Variants in ATP8B4 observed in about 807,000 individuals in gnomAD.
ATP8B4 encodes ATPase phospholipid transporting 8B4 (putative), also known as probable phospholipid-transporting ATPase IM.
In ATP8B4, 133 loss-of-function variants were observed where a neutral mutation model predicts 145.6. The ratio of observed to expected loss-of-function variants is 0.91; its 90% CI spans 0.79 to 1.05. The LOEUF is 1.05. ATP8B4 is among the 50% of genes least tolerant of loss of function. The pLI, the probability that ATP8B4 is intolerant of heterozygous loss-of-function variation, is 0.00. For missense variants in ATP8B4, 1,458 were observed against 1,425.2 expected (o/e 1.02, Z -0.37); for synonymous variants, 507 against 492.9 (o/e 1.03, Z -0.38).
chr15:50,164,277 G>A (rs1309617012), intron 1 of ATP8B4, among the ~76,000 whole-genome samples: 1 of 152,222 alleles, frequency 6.6e-6, no homozygotes, highest in Non-Finnish European at 1.5e-5. Context: ...TCTCACCCAA[G>A]GCCCACAGCA....
intron 25 of ATP8B4, among the ~76,000 whole-genome samples, chr15:49,866,787 C>T (rs1224892346): frequency 6.6e-6 from 1 of 152,190 alleles, no homozygotes; most frequent in Non-Finnish European, 1.5e-5. Context: ...AATATGAAAG[C>T]ACAAGGGCTT....
At chr15:50,005,681 A>G (rs2048246388) in intron 7 of ATP8B4, among the ~76,000 whole-genome samples, 1 of 152,212 alleles carries the variant, frequency 6.6e-6, no homozygotes, top group African/African-American at 2.4e-5. Context: ...TAAATTGCAG[A>G]GCTGGAATTA....
intron 1 of ATP8B4, among the ~76,000 whole-genome samples, chr15:50,170,073 A>C (rs999662588): frequency 6.6e-6 from 1 of 152,178 alleles, no homozygotes; most frequent in East Asian, 1.9e-4. Context: ...TACCTGAGGA[A>C]GAAGAGAATT....
chr15:49,974,617 T>C (rs1304151527), intron 12 of ATP8B4, among the ~76,000 whole-genome samples: 3 of 152,186 alleles, frequency 2.0e-5, no homozygotes, highest in African/African-American at 7.2e-5. Context: ...TCTGTTTTTG[T>C]AGTTTTGTTT....
intron 6 of ATP8B4, among the ~76,000 whole-genome samples, chr15:50,029,238 T>TAAAAAAAAAAAAAAAA (rs58363112): frequency 3.3e-4 from 25 of 76,600 alleles, no homozygotes; most frequent in East Asian, 9.0e-4. Context: ...GACTCCATCT[T>TAAAAAAAAAAAAAAAA]AAAAAAAAAA....
At chr15:50,072,686 T>G (rs1281273430) in intron 3 of ATP8B4, among the ~76,000 whole-genome samples, 2 of 151,654 alleles carry the variant, frequency 1.3e-5, no homozygotes, top group East Asian at 3.9e-4. Context: ...AGTGCAATGG[T>G]GCGATCTTGG....
chr15:50,132,849 C>A (rs1012122636), intron 1 of ATP8B4, among the ~76,000 whole-genome samples: 1 of 152,100 alleles, frequency 6.6e-6, no homozygotes, highest in Admixed American at 6.5e-5. Flanking sequence ...TCTCAGCAAA[C>A]TAACACAGGA....
chr15:49,938,999 G>A (rs1034277075), intron 14 of ATP8B4, among the ~76,000 whole-genome samples: 1 of 152,110 alleles, frequency 6.6e-6, no homozygotes, highest in Non-Finnish European at 1.5e-5. Flanking sequence ...ACTCCTGAAT[G>A]ACTTTTGGGT....
intron 1 of ATP8B4, among the ~76,000 whole-genome samples, chr15:50,181,533 T>C (rs1453841093): frequency 2.0e-5 from 3 of 152,202 alleles, no homozygotes; most frequent in African/African-American, 7.2e-5. Context: ...ATGTCAAAGC[T>C]TGATTTCAGG....
intron 8 of ATP8B4, among the ~76,000 whole-genome samples, chr15:49,999,754 C>A (rs2047734077): frequency 6.6e-6 from 1 of 151,986 alleles, no homozygotes; most frequent in African/African-American, 2.4e-5. Flanking sequence ...ATATCACAAC[C>A]ACGATATTGA....
chr15:49,940,715 C>T (rs2042102068), intron 14 of ATP8B4, among the ~76,000 whole-genome samples: 2 of 152,146 alleles, frequency 1.3e-5, no homozygotes, highest in South Asian at 4.1e-4. Flanking sequence ...TCCTCAATGA[C>T]TTAGTCTACA....
At chr15:50,146,757 A>T (rs74446953) in intron 1 of ATP8B4, among the ~76,000 whole-genome samples, 1 of 152,140 alleles carries the variant, frequency 6.6e-6, no homozygotes, top group Non-Finnish European at 1.5e-5. Context: ...GTAAAAGGGA[A>T]AAAAGGGGAA....
intron 2 of ATP8B4, among the ~76,000 whole-genome samples, chr15:50,102,607 T>G (rs1600394166): frequency 6.6e-6 from 1 of 151,912 alleles, no homozygotes; most frequent in Non-Finnish European, 1.5e-5. Context: ...AATTTAAAAG[T>G]TGCCAACAAC....
At position 49,891,089 on chromosome 15, in the gene ATP8B4, G is replaced by A. The variant is rs76750512; in HGVS notation, c.2697+6203C>T. On this transcript the variant is annotated intron_variant, in intron 23 of 27. Coordinates refer to ENST00000284509, the MANE Select transcript of ATP8B4 (RefSeq NM_024837.4). ...TCAGTTGGAAAGTGTATGAGGGGAG[G>A]GATGTCCTCCTTTTACTCCAAAGTC... Among the ~76,000 whole-genome samples the A allele has an allele frequency of 6.3e-3, 963 of 152,026 alleles. 10 individuals are homozygous for A. Among genetic ancestry groups the A allele is most frequent in the African/African-American group, 0.022 (920 of 41,440 alleles).
chr15:49,935,217 C>A (rs2041633250), intron 14 of ATP8B4, among the ~76,000 whole-genome samples: 1 of 151,874 alleles, frequency 6.6e-6, no homozygotes, highest in Non-Finnish European at 1.5e-5. Flanking sequence ...TTATTATTAT[C>A]TTTATAATAG....
At chr15:49,925,129 A>G (rs759588534) in intron 16 of ATP8B4, among the ~76,000 whole-genome samples, 3 of 152,152 alleles carry the variant, frequency 2.0e-5, no homozygotes, top group Non-Finnish European at 4.4e-5. Flanking sequence ...ATCAATATCC[A>G]TATTAGAAAT....
chr15:49,984,033 C>T (rs566145068), intron 10 of ATP8B4, among the ~76,000 whole-genome samples: 9 of 152,340 alleles, frequency 5.9e-5, no homozygotes, highest in African/African-American at 2.2e-4. Context: ...ATATAGTAGA[C>T]ATTCAATAAA....
At chr15:50,026,839 G>A (rs982212989) in intron 6 of ATP8B4, among the ~76,000 whole-genome samples, 1 of 152,106 alleles carries the variant, frequency 6.6e-6, no homozygotes, top group Non-Finnish European at 1.5e-5. Flanking sequence ...ACAATGAGTA[G>A]CCTGCATATG....
At chr15:50,133,916 G>A (rs185498422) in intron 1 of ATP8B4, among the ~76,000 whole-genome samples, 5 of 152,162 alleles carry the variant, frequency 3.3e-5, no homozygotes, top group Admixed American at 6.5e-5. Context: ...CAGGAGGATC[G>A]CTGAGGCCAG....
Sources: gnomAD v4.1 joint callset for allele counts (sites outside exome capture counted in the v4.1 genomes callset) on GRCh38, gnomAD v4.1.1 for gene constraint, MANE v1.5 for transcripts, NCBI Gene and HGNC (gene_info 2026-07-23, HGNC 2026-07-21) for gene names.